Variants in MSN observed in about 807,000 individuals in gnomAD.
MSN encodes moesin.
Under a neutral mutation model 48.0 loss-of-function variants are expected in MSN, and 2 were observed. The observed-to-expected ratio is 0.04, with a 90% CI of 0.02 to 0.13. MSN has a LOEUF of 0.13. Among genes scored for constraint, MSN ranks in the 10% least tolerant of loss-of-function variants. The probability of loss-of-function intolerance (pLI) is 1.00; values close to 1 mark genes in which losing one functional copy is unlikely to be tolerated. For synonymous variants in MSN, 146 were observed against 166.9 expected, an observed-to-expected ratio of 0.87 and a Z score of 0.97; for missense variants, 267 against 470.1, an observed-to-expected ratio of 0.57 and a Z score of 3.99.
At chrX:65,597,507 C>T (rs2070196739) in intron 1 of MSN, among the ~76,000 whole-genome samples, 1 of 110,401 alleles carries the variant, frequency 9.1e-6, no homozygotes, top group African/African-American at 3.3e-5. Flanking sequence ...ACACCATGCC[C>T]AGCTAATTTT....
At chrX:65,606,379 A>G (rs1212711676) in intron 1 of MSN, among the ~76,000 whole-genome samples, 1 of 109,354 alleles carries the variant, frequency 9.1e-6, no homozygotes, top group Non-Finnish European at 1.9e-5. Context: ...CACCCGCTTC[A>G]GCCTCCCAAA....
intron 1 of MSN, among the ~76,000 whole-genome samples, chrX:65,672,570 C>A (rs1170557078): frequency 9.0e-6 from 1 of 111,712 alleles, no homozygotes; most frequent in Non-Finnish European, 1.9e-5. Flanking sequence ...AGGATTAGCT[C>A]AGGATTCCAT....
intron 1 of MSN, among the ~76,000 whole-genome samples, chrX:65,715,192 T>C (rs2071451484): frequency 1.8e-5 from 2 of 111,834 alleles, no homozygotes; most frequent in Non-Finnish European, 3.8e-5. Flanking sequence ...TCTGTTTTTG[T>C]ACCAGTACAA....
At position 65,737,290 on chromosome X, in the gene MSN, G is replaced by A. The variant is rs768572754; in HGVS notation, c.1203G>A (p.Glu401=). 21 of 1,209,617 alleles carry A rather than the reference G, an allele frequency of 1.7e-5. No individual in the cohort carries two copies. In the Admixed American group the frequency reaches 4.4e-4, roughly 25 times the overall value. The change falls in exon 10 of 13, where the codon GAG becomes GAA. Residue 401 remains glutamate, a synonymous_variant. Transcript: ENST00000360270. ...GTCAAGAAGCTGAAGAGGCCAAGGA[G>A]GCCTTGCTGCAGGCCTCCCGGGACC... ...KERQEAEEAK[E]ALLQASRDQK... is the part of the protein sequence containing the mutation.
At chrX:65,619,003 A>G (rs1185376106) in intron 1 of MSN, among the ~76,000 whole-genome samples, 3 of 102,529 alleles carry the variant, frequency 2.9e-5, no homozygotes, top group African/African-American at 1.1e-4. Context: ...CTGGGTTGAA[A>G]ATTCTTTTCT....
intron 1 of MSN, among the ~76,000 whole-genome samples, chrX:65,604,144 G>A (rs1343874613): frequency 1.8e-5 from 2 of 112,370 alleles, no homozygotes; most frequent in Non-Finnish European, 3.8e-5. Context: ...GAAGTGACTA[G>A]TAAGTTGCAG....
intron 1 of MSN, among the ~76,000 whole-genome samples, chrX:65,610,720 T>C (rs941875472): frequency 8.9e-6 from 1 of 112,450 alleles, no homozygotes; most frequent in African/African-American, 3.2e-5. Context: ...GCATTATTAC[T>C]AACAATGTAT....
At chrX:65,633,808 T>A (rs2070577576) in intron 1 of MSN, among the ~76,000 whole-genome samples, 1 of 112,174 alleles carries the variant, frequency 8.9e-6, no homozygotes, top group Non-Finnish European at 1.9e-5. Flanking sequence ...TTTTCGATAG[T>A]TCATTCTCAC....
chrX:65,655,535 C>T (rs1446357378), intron 1 of MSN, among the ~76,000 whole-genome samples: 1 of 112,061 alleles, frequency 8.9e-6, no homozygotes, highest in Non-Finnish European at 1.9e-5. Context: ...CTTTCAATTA[C>T]GAGGACCTCA....
At chrX:65,687,720 C>T (rs747557432) in intron 1 of MSN, among the ~76,000 whole-genome samples, 4 of 111,751 alleles carry the variant, frequency 3.6e-5, no homozygotes, top group South Asian at 7.5e-4. Flanking sequence ...TTATGAGAAT[C>T]GGATTAGAAA....
rs188139064 is a variant in MSN, at chrX:65,606,008, T to C, written c.-22+17396T>C. On this transcript the variant is annotated intron_variant, in intron 1 of 3. Transcript: ENST00000609672. Reference sequence around the variant, plus strand: ...CCCATGCTGGAGTGCAGTGGCATGATCACAGCTCACTGCAGCCTTGACCTC... The same window carrying C: ...CCCATGCTGGAGTGCAGTGGCATGACCACAGCTCACTGCAGCCTTGACCTC... Among the ~76,000 whole-genome samples the C allele has an allele frequency of 8.1e-5, 9 of 111,376 alleles. 1 individual carries two copies. In the East Asian group the frequency reaches 2.5e-3, roughly 31 times the overall value.
intron 1 of MSN, among the ~76,000 whole-genome samples, chrX:65,641,095 C>A (rs182321150): frequency 2.2e-3 from 245 of 109,648 alleles, no homozygotes; most frequent in Non-Finnish European, 3.4e-3. Flanking sequence ...GGGGACAGAG[C>A]AAGAATCTGT....
At chrX:65,644,795 C>T (rs951238587) in intron 1 of MSN, among the ~76,000 whole-genome samples, 1 of 111,703 alleles carries the variant, frequency 9.0e-6, no homozygotes, top group Middle Eastern at 4.2e-3. Flanking sequence ...GCTTTTCAGT[C>T]CAATCCAGGG....
intron 1 of MSN, among the ~76,000 whole-genome samples, chrX:65,696,291 C>G (rs2071238381): frequency 9.0e-6 from 1 of 111,043 alleles, no homozygotes; most frequent in Non-Finnish European, 1.9e-5. Flanking sequence ...TATTGGGTGT[C>G]TGATAAAGTG....
intron 1 of MSN, among the ~76,000 whole-genome samples, chrX:65,715,714 G>A (rs1228611853): frequency 1.8e-5 from 2 of 111,616 alleles, no homozygotes; most frequent in Non-Finnish European, 3.8e-5. Context: ...ATCAGATTAA[G>A]GAGCTTTTGG....
At chrX:65,618,767 T>G (rs1266444353) in intron 1 of MSN, among the ~76,000 whole-genome samples, 2 of 110,810 alleles carry the variant, frequency 1.8e-5, no homozygotes, top group East Asian at 5.7e-4. Flanking sequence ...TAGCTGGTGA[T>G]TTTGCTCGTT....
At chrX:65,627,279 T>C (rs1374044913) in intron 1 of MSN, among the ~76,000 whole-genome samples, 16 of 109,785 alleles carry the variant, frequency 1.5e-4, no homozygotes, top group African/African-American at 5.3e-4. Flanking sequence ...TACATATGTA[T>C]TAGTCCATAT....
intron 3 of MSN, 56 bp downstream of exon 3, chrX:65,727,965 TG>T (rs2071584191): frequency 1.9e-5 from 20 of 1,078,290 alleles, no homozygotes; most frequent in Non-Finnish European, 2.4e-5. Flanking sequence ...AGAACATTCC[TG>T]GGAGGGTACC....
chrX:65,731,329 A>G lies in MSN; in HGVS notation c.551+139A>G, dbSNP rs1221126864. On this transcript the variant is annotated intron_variant, in intron 5 of 12. Transcript: ENST00000360270. ...GAACAGGGACGATAGAAGGCAAACT[A>G]GGACCATTATAAGGCTGTTTTTTGT... 10 of 515,834 alleles carry G rather than the reference A, an allele frequency of 1.9e-5. No individual in the cohort carries two copies. In the East Asian group the frequency reaches 3.0e-4, roughly 16 times the overall value. 42.5% of individuals were successfully genotyped at this position (515,834 alleles called of 1,213,427 possible).
Sources: gnomAD v4.1 joint callset for allele counts (sites outside exome capture counted in the v4.1 genomes callset) on GRCh38, gnomAD v4.1.1 for gene constraint, MANE v1.5 for transcripts, NCBI Gene and HGNC (gene_info 2026-07-23, HGNC 2026-07-21) for gene names.